GCNT2: variants seen among roughly 807,000 people sequenced by gnomAD.
GCNT2 encodes N-acetyllactosaminide beta-1,6-N-acetylglucosaminyl-transferase.
Under a neutral mutation model 34.2 loss-of-function variants are expected in GCNT2, and 34 were observed. The ratio of observed to expected loss-of-function variants is 1.00; its 90% CI spans 0.76 to 1.32. The LOEUF is 1.32. GCNT2 is among the 40% of genes most tolerant of loss of function. GCNT2 has a pLI of 0.00. For synonymous variants in GCNT2, 212 were observed against 188.0 expected (o/e 1.13, Z -1.04); for missense variants, 584 against 489.4 (o/e 1.19, Z -1.82).
At chr6:10,571,758 C>T (rs565907920) in intron 3 of GCNT2, among the ~76,000 whole-genome samples, 4 of 152,204 alleles carry the variant, frequency 2.6e-5, no homozygotes, top group East Asian at 3.9e-4. Context: ...AATTTAAATG[C>T]GTTCTTTTGG....
chr6:10,585,945 C>G (rs776490593), intron 3 of GCNT2: 151 of 1,609,950 alleles, frequency 9.4e-5, no homozygotes, highest in Non-Finnish European at 1.2e-4. Flanking sequence ...GATCATTTCT[C>G]ATTCCCTGAA....
intron 3 of GCNT2, among the ~76,000 whole-genome samples, chr6:10,614,967 C>G (rs1765702602): frequency 6.6e-6 from 1 of 152,206 alleles, no homozygotes. Flanking sequence ...GGGCTGATGC[C>G]TTCAAGGAGG....
At chr6:10,545,536 T>G (rs939177749) in intron 3 of GCNT2, among the ~76,000 whole-genome samples, 1 of 152,204 alleles carries the variant, frequency 6.6e-6, no homozygotes, top group Admixed American at 6.5e-5. Context: ...TTCTCCTTAT[T>G]AGGAATAAAG....
At chr6:10,530,046 A>T in intron 3 of GCNT2, 1 of 542,150 alleles carries the variant, frequency 1.8e-6, no homozygotes, top group Non-Finnish European at 3.3e-6. Context: ...AGGACAAAAG[A>T]CCGAAGGAAC....
At chr6:10,562,677 A>G (rs13216294) in intron 3 of GCNT2, among the ~76,000 whole-genome samples, 2 of 141,822 alleles carry the variant, frequency 1.4e-5, no homozygotes, top group Non-Finnish European at 1.5e-5. Flanking sequence ...AAAAAAAAAA[A>G]CAAAAAAAAA....
At chr6:10,529,968 A>T (rs1447076763) in intron 3 of GCNT2, 132 bp downstream of exon 3, 9 of 755,462 alleles carry the variant, frequency 1.2e-5, no homozygotes, top group African/African-American at 3.5e-5. Flanking sequence ...TAAAAAAAAA[A>T]TTTCATCTGT....
At chr6:10,616,005 T>A (rs1228889712) in intron 3 of GCNT2, among the ~76,000 whole-genome samples, 1 of 152,244 alleles carries the variant, frequency 6.6e-6, no homozygotes, top group Admixed American at 6.5e-5. Flanking sequence ...GGTGGGTTCT[T>A]GGTCTCACTG....
intron 3 of GCNT2, among the ~76,000 whole-genome samples, chr6:10,563,278 C>T (rs536058381): frequency 8.5e-5 from 13 of 152,140 alleles, no homozygotes; most frequent in African/African-American, 2.7e-4. Flanking sequence ...CTGACCTAAC[C>T]GTACCCTTTT....
At chr6:10,587,055 G>C (rs1035191199) in intron 3 of GCNT2, 2 of 688,586 alleles carry the variant, frequency 2.9e-6, no homozygotes, top group South Asian at 3.5e-5. Flanking sequence ...TAGCAACAGT[G>C]TATTGCTGAC....
At chr6:10,602,530 G>C (rs1179109182) in intron 3 of GCNT2, among the ~76,000 whole-genome samples, 2 of 152,180 alleles carry the variant, frequency 1.3e-5, no homozygotes, top group African/African-American at 4.8e-5. Flanking sequence ...GCTTGCAATA[G>C]ATAGGGACTT....
At chr6:10,556,118 T>G in intron 3 of GCNT2, 4 of 1,271,692 alleles carry the variant, frequency 3.1e-6, no homozygotes, top group Non-Finnish European at 4.0e-6. Context: ...TACCGGAGTT[T>G]TAGCAAAACA....
chr6:10,556,651 G>A (rs552308089), intron 3 of GCNT2: 1 of 1,614,016 alleles, frequency 6.2e-7, no homozygotes, highest in South Asian at 1.1e-5. Context: ...AGGAATACTT[G>A]ACCCAGAGCC....
intron 1 of GCNT2, among the ~76,000 whole-genome samples, chr6:10,527,138 A>G (rs1761229213): frequency 6.6e-6 from 1 of 152,180 alleles, no homozygotes; most frequent in Non-Finnish European, 1.5e-5. Context: ...CAATCAATAA[A>G]TAGTTGATTG....
intron 3 of GCNT2, 109 bp downstream of exon 3, chr6:10,529,945 T>C: frequency 1.1e-6 from 1 of 937,222 alleles, no homozygotes; most frequent in South Asian, 1.4e-5. Flanking sequence ...CTTTACGGTT[T>C]TAAATGTCAA....
At chr6:10,590,774 G>T (rs1361832242) in intron 3 of GCNT2, among the ~76,000 whole-genome samples, 1 of 152,078 alleles carries the variant, frequency 6.6e-6, no homozygotes, top group Admixed American at 6.5e-5. Flanking sequence ...AGATGGTCTC[G>T]ATCTCCTGAC....
At chr6:10,574,666 A>G (rs1269650633) in intron 3 of GCNT2, 2 of 316,882 alleles carry the variant, frequency 6.3e-6, no homozygotes, top group Non-Finnish European at 1.2e-5. Flanking sequence ...CTATTTTGGT[A>G]CTGCCCTTGA....
At chr6:10,579,952 G>A (rs974034629) in intron 3 of GCNT2, among the ~76,000 whole-genome samples, 1 of 151,724 alleles carries the variant, frequency 6.6e-6, no homozygotes, top group East Asian at 1.9e-4. Flanking sequence ...ACCTACTGCT[G>A]TCGGCAGGGG....
chr6:10,544,553 G>A lies in GCNT2; in HGVS notation c.925+14717G>A, dbSNP rs749677502. Among the ~76,000 whole-genome samples the A allele has an allele frequency of 2.5e-4, 38 of 151,704 alleles. 1 individual carries two copies. The South Asian group carries it at 7.3e-3, about 29-fold the overall frequency. On this transcript the variant is annotated intron_variant, in intron 3 of 4. Coordinates refer to ENST00000495262, the MANE Select transcript of GCNT2 (RefSeq NM_145649.5). ...CAGGAGGCGGAGGTTGCAGTGAGCCGAGATCACCACACTGCACTCCAGCCT... is the reference window on the plus strand; with the variant it reads ...CAGGAGGCGGAGGTTGCAGTGAGCCAAGATCACCACACTGCACTCCAGCCT...
At chr6:10,563,582 AAAT>A (rs1207975135) in intron 3 of GCNT2, among the ~76,000 whole-genome samples, 1 of 151,460 alleles carries the variant, frequency 6.6e-6, no homozygotes, top group Non-Finnish European at 1.5e-5. Flanking sequence ...TCTCTACTAA[AAAT>A]ACAAAAATTA....
Sources: gnomAD v4.1 joint callset for allele counts (sites outside exome capture counted in the v4.1 genomes callset) on GRCh38, gnomAD v4.1.1 for gene constraint, MANE v1.5 for transcripts, NCBI Gene and HGNC (gene_info 2026-07-23, HGNC 2026-07-21) for gene names.